Variants in ENKD1 observed in about 807,000 individuals in gnomAD.
ENKD1 encodes enkurin domain-containing protein 1.
In ENKD1, 39 loss-of-function variants were observed where a neutral mutation model predicts 35.8. The ratio of observed to expected loss-of-function variants is 1.09; its 90% CI spans 0.84 to 1.42. The LOEUF is 1.42. ENKD1 is among the 40% of genes most tolerant of loss of function. ENKD1 has a pLI of 0.00. For synonymous variants in ENKD1, 205 were observed against 198.6 expected (o/e 1.03, Z -0.27); for missense variants, 474 against 471.3 (o/e 1.01, Z -0.05).
At position 67,663,955 on chromosome 16, in the gene ENKD1, T is replaced by TG. The variant is rs1261863231; in HGVS notation, c.560dup (p.Pro188ThrfsTer6). 1 of 1,601,978 alleles carries TG rather than the reference T, an allele frequency of 6.2e-7. No homozygotes were observed. Among genetic ancestry groups the TG allele is most frequent in the Non-Finnish European group, 8.5e-7 (1 of 1,174,008 alleles). On this transcript the variant is annotated frameshift_variant, in exon 4 of 7. Transcript: ENST00000243878. LOFTEE classifies it high-confidence loss of function. ...CTCTCACCTTAGCTTCGGGACCTGGTGGGGTTGGCTGGGGACTAGATACAT... is the reference window on the plus strand; with the variant it reads ...CTCTCACCTTAGCTTCGGGACCTGGTGGGGGTTGGCTGGGGACTAGATACAT...
In ENKD1 at chr16:67,666,574, G is replaced by T; in HGVS notation, c.-132C>A. The T allele has an allele frequency of 1.2e-6, 1 of 867,916 alleles. No individual in the cohort carries two copies. The highest frequency in any genetic ancestry group is 3.3e-5 in the East Asian group (1 of 29,860). 53.8% of individuals were successfully genotyped at this position (867,916 alleles called of 1,614,324 possible). A position where few individuals can be genotyped will look rare whatever the true frequency, so the allele number is the denominator to read the frequency against. On this transcript the variant is annotated 5_prime_UTR_variant, in exon 1 of 7. Coordinates refer to ENST00000243878, the MANE Select transcript of ENKD1 (RefSeq NM_032140.3). ...TGACCCTGGCGTGCCCGCCACTCCC[G>T]GGCCCCTGCCGGTCCCCGCCTGGGC...
Position 67,666,162 on chromosome 16 carries a change from G to C in ENKD1, c.189C>G (p.Ala63=). The change falls in exon 2 of 7, where the codon GCC becomes GCG. Residue 63 remains alanine, a synonymous_variant. Coordinates refer to ENST00000243878, the MANE Select transcript of ENKD1 (RefSeq NM_032140.3). The part of the protein sequence containing the change: ...APRGPCIGPG[A]GEILERGQRG... ...GCTGGCCGCGCTCCAGGATCTCTCCGGCACCGGGACCGATGCAGGGGCCAC... is the reference window on the plus strand; with the variant it reads ...GCTGGCCGCGCTCCAGGATCTCTCCCGCACCGGGACCGATGCAGGGGCCAC... 1 of 1,612,684 alleles carries C rather than the reference G, an allele frequency of 6.2e-7. No individual in the cohort carries two copies. Among genetic ancestry groups the C allele is most frequent in the Non-Finnish European group, 8.5e-7 (1 of 1,179,944 alleles).
In ENKD1 at chr16:67,666,354, T is replaced by C; in HGVS notation, c.85+4A>G. Reference sequence around the variant, plus strand: ...TCGCACCACCGCCAAGCCCCCGGACTCACCCGAGGTCGGCCGCCTGTAGTT... The same window carrying C: ...TCGCACCACCGCCAAGCCCCCGGACCCACCCGAGGTCGGCCGCCTGTAGTT... On this transcript the variant is annotated splice_donor_region_variant and intron_variant, in intron 1 of 6. Coordinates refer to ENST00000243878, the MANE Select transcript of ENKD1 (RefSeq NM_032140.3). 6.3e-7 allele frequency: 1 copy of C among 1,580,088 alleles called. No homozygotes were observed. Among genetic ancestry groups the C allele is most frequent in the Non-Finnish European group, 8.6e-7 (1 of 1,169,414 alleles).
chr16:67,664,887 G>T, intron 3 of ENKD1, 109 bp downstream of exon 3: 2 of 1,383,684 alleles, frequency 1.4e-6, no homozygotes, highest in Non-Finnish European at 1.9e-6. Context: ...GGGTCTCTTA[G>T]TCCTCTGTTA....
In ENKD1 at chr16:67,666,434, C is replaced by G. The variant is rs1381336768; in HGVS notation, c.9G>C (p.Glu3Asp). 6.5e-7 allele frequency: 1 copy of G among 1,527,280 alleles called. No homozygotes were observed. Among genetic ancestry groups the G allele is most frequent in the Non-Finnish European group, 8.7e-7 (1 of 1,145,952 alleles). The allele number at this position is 1,527,280 out of a possible 1,614,324, so 94.6% of individuals were successfully genotyped here. A position where few individuals can be genotyped will look rare whatever the true frequency, so the allele number is the denominator to read the frequency against. ...TGGGCCCCGAGATGCGGGACGGGCC[C>G]TCGCACATGCCGCCGGCGCCGCCCA... MC[E>D]GPSRISGPIP... The change falls in exon 1 of 7, where the codon GAG (glutamate) becomes GAC (aspartate). Residue 3 changes from glutamate to aspartate, a missense_variant. Coordinates refer to ENST00000243878, the MANE Select transcript of ENKD1 (RefSeq NM_032140.3).
rs776993908 is a variant in ENKD1 at position 67,666,263 on chromosome 16, G to A, written c.88C>T (p.Gln30Ter). Residue 30 changes from glutamine to a stop codon, truncating the protein, a stop_gained and splice_region_variant, in exon 2 of 7, where the codon CAA becomes TAA. Transcript: ENST00000243878. LOFTEE classifies it high-confidence loss of function. The stretch of plus-strand genomic sequence containing the variant: ...AGCGCGTTTCCCTCGAGGCGCCCTT[G>A]AGCTGTGGGGCGGAGCCGGGCGGAG... ...PDNYRRPTSA[Q>*]GRLEGNALKL... The A allele has an allele frequency of 3.7e-6, 6 of 1,603,788 alleles. No homozygotes were observed. Among genetic ancestry groups the A allele is most frequent in the Non-Finnish European group, 5.1e-6 (6 of 1,175,618 alleles).
intron 2 of ENKD1, 135 bp downstream of exon 2, chr16:67,665,936 C>T: frequency 1.0e-6 from 1 of 959,022 alleles, no homozygotes; most frequent in South Asian, 1.7e-5. Flanking sequence ...TATTTCTCCC[C>T]CTTTTATAGT....
Position 67,665,067 on chromosome 16 carries a change from T to G in ENKD1, c.382A>C (p.Arg128=), listed in dbSNP as rs746159932. ...GAGCGCCACAGAGCTTTCAGGGGCC[T>G]GGGCTGGCCCTGCTCCCGGCTGCGC... ...QERSREQGQP[R]PLKALWRSPK... is the part of the protein sequence containing the mutation. The change falls in exon 3 of 7, where the codon AGG becomes CGG. Residue 128 remains arginine (R), a synonymous_variant. Coordinates refer to ENST00000243878, the MANE Select transcript of ENKD1 (RefSeq NM_032140.3). The G allele has an allele frequency of 1.9e-6, 3 of 1,613,914 alleles. No individual in the cohort carries two copies. The Admixed American group carries it at 5.0e-5, about 27-fold the overall frequency.
intron 3 of ENKD1, 94 bp downstream of exon 3, chr16:67,664,902 T>C: frequency 6.8e-7 from 1 of 1,460,716 alleles, no homozygotes; most frequent in Non-Finnish European, 9.1e-7. Flanking sequence ...CTGTTACCTC[T>C]GTGACTTCCC....
chr16:67,664,218 G>A (rs1051896593), intron 3 of ENKD1, 156 bp from the exon 4 acceptor site: 2 of 721,446 alleles, frequency 2.8e-6, no homozygotes, highest in Non-Finnish European at 5.0e-6. Flanking sequence ...GCACACAAAT[G>A]TGTGAGTATG....
chr16:67,665,297 AC>A (rs1390634755), intron 2 of ENKD1, 129 bp from the exon 3 acceptor site: 3 of 866,180 alleles, frequency 3.5e-6, no homozygotes, highest in African/African-American at 1.7e-5. Flanking sequence ...ACTACCTTAG[AC>A]CCTACACACA....
At chr16:67,664,104 T>C (rs368355254) in intron 3 of ENKD1, 42 bp from the exon 4 acceptor site, 2 of 1,532,264 alleles carry the variant, frequency 1.3e-6, no homozygotes, top group African/African-American at 2.8e-5. Flanking sequence ...CAGGCTGAGG[T>C]CTGGGGCTCA....
chr16:67,664,853 C>T, intron 3 of ENKD1, 143 bp downstream of exon 3: 2 of 1,062,652 alleles, frequency 1.9e-6, no homozygotes, highest in South Asian at 3.4e-5. Flanking sequence ...AGAAGCCCCC[C>T]AGCCTCGCCC....
At chr16:67,665,946 T>G in intron 2 of ENKD1, 125 bp downstream of exon 2, 1 of 1,031,850 alleles carries the variant, frequency 9.7e-7, no homozygotes, top group Non-Finnish European at 1.4e-6. Flanking sequence ...CCTTTTATAG[T>G]TGGGGAAACT....
At position 67,663,234 on chromosome 16, in the gene ENKD1, C is replaced by T. The variant is rs142866742; in HGVS notation, c.968G>A (p.Arg323Gln). 5.0e-6 allele frequency: 8 copies of T among 1,614,014 alleles called. No homozygotes were observed. Among genetic ancestry groups the T allele is most frequent in the Middle Eastern group, 1.6e-4 (1 of 6,062 alleles). Reference protein sequence around the residue: ...RAQSHRAELDRKLVQVEEAIK... With the variant: ...RAQSHRAELDQKLVQVEEAIK... The stretch of plus-strand genomic sequence containing the variant: ...GGCCTCCTCTACCTGCACCAGCTTC[C>T]GGTCCAGCTCAGCACGGTGGCTCTG... Residue 323 changes from arginine to glutamine, a missense_variant, in exon 7 of 7, where the codon CGG becomes CAG. Arg to Gln is a conservative substitution (Grantham distance 43). Coordinates refer to ENST00000243878, the MANE Select transcript of ENKD1 (RefSeq NM_032140.3).
rs904210709 is a variant in ENKD1, at chr16:67,666,503, C to G, written c.-61G>C. The G allele has an allele frequency of 1.5e-6, 2 of 1,361,754 alleles. No homozygotes were observed. The highest frequency in any genetic ancestry group is 1.9e-6 in the Non-Finnish European group (2 of 1,053,066). 84.4% of individuals were successfully genotyped at this position (1,361,754 alleles called of 1,614,324 possible). On this transcript the variant is annotated 5_prime_UTR_variant, in exon 1 of 7. Transcript: ENST00000243878. The stretch of plus-strand genomic sequence containing the variant: ...CTGCAGGGCTGTTTACCTCCCTCCC[C>G]GGGCCCCCTTCCCCAACCCCGGGCC...
At position 67,666,404 on chromosome 16, in the gene ENKD1, GGGGATGGGCCCCGAGATGC is replaced by G. The variant is rs1567648281; in HGVS notation, c.20_38del (p.Arg7ProfsTer26). The G allele has an allele frequency of 1.3e-6, 2 of 1,561,792 alleles. No individual in the cohort carries two copies. Among genetic ancestry groups the G allele is most frequent in the East Asian group, 2.4e-5 (1 of 41,964 alleles). On this transcript the variant is annotated frameshift_variant, in exon 1 of 7. Transcript: ENST00000243878. LOFTEE classifies it high-confidence loss of function. ...TGTCAGGACAGAGCGTCGGGTCTGGGGGGATGGGCCCCGAGATGCGGGACGGGCCCTCGCACATGCCGCC... is the reference window on the plus strand; with the variant it reads ...TGTCAGGACAGAGCGTCGGGTCTGGGGGGACGGGCCCTCGCACATGCCGCC...
rs764306733 is a variant in ENKD1, at chr16:67,663,736, C to A, written c.664G>T (p.Val222Phe). ...TGCTGCTCTAGCACTTGTGCCAGGA[C>A]CTGCAGTGAGCAGGAATGCCTCCGG... ...APRRHSCSLQVLAQVLEQQRQ... is the reference protein window; with the variant it reads ...APRRHSCSLQFLAQVLEQQRQ... Residue 222 changes from valine (V) to phenylalanine (F), a missense_variant, in exon 5 of 7, where the codon GTC (valine) becomes TTC (phenylalanine). Val to Phe is a conservative substitution (Grantham distance 50). Transcript: ENST00000243878. 1.2e-6 allele frequency: 2 copies of A among 1,612,666 alleles called. No homozygotes were observed. The highest frequency in any genetic ancestry group is 3.3e-5 in the Admixed American group (2 of 59,828).
chr16:67,665,964 A>T, intron 2 of ENKD1, 107 bp downstream of exon 2: 1 of 1,225,104 alleles, frequency 8.2e-7, no homozygotes, highest in Non-Finnish European at 1.1e-6. Flanking sequence ...ACTGAGACTC[A>T]AGAGATGCAA....
Sources: allele counts gnomAD v4.1 joint callset, GRCh38; gene constraint gnomAD v4.1.1; transcripts MANE v1.5; gene names NCBI Gene and HGNC (gene_info 2026-07-23, HGNC 2026-07-21).